Variants in RIPK2 observed in about 807,000 individuals in gnomAD.
RIPK2 encodes receptor-interacting serine/threonine-protein kinase 2.
RIPK2 carries 38 observed loss-of-function variants against 60.9 expected under a neutral mutation model. That is an observed-to-expected ratio of 0.62 (90% CI 0.48 to 0.82). The LOEUF (loss-of-function observed/expected upper bound fraction) is 0.82. RIPK2 is among the 40% of genes least tolerant of loss of function. The probability of loss-of-function intolerance (pLI) is 0.00; values close to 1 mark genes in which losing one functional copy is unlikely to be tolerated. For synonymous variants in RIPK2, 225 were observed against 223.4 expected (o/e 1.01, Z -0.06); for missense variants, 518 against 647.0 (o/e 0.80, Z 2.16).
chr8:89,781,493 A>G (rs1173409748), intron 7 of RIPK2, among the ~76,000 whole-genome samples: 1 of 151,914 alleles, frequency 6.6e-6, no homozygotes, highest in Non-Finnish European at 1.5e-5. Flanking sequence ...CAGCATCTCC[A>G]ATTGCTTGAA....
intron 2 of RIPK2, among the ~76,000 whole-genome samples, chr8:89,765,135 A>G (rs984206032): frequency 2.6e-5 from 4 of 152,052 alleles, no homozygotes; most frequent in African/African-American, 9.7e-5. Context: ...GGTGCCATAA[A>G]GTTATCATAA....
intron 5 of RIPK2, among the ~76,000 whole-genome samples, chr8:89,772,378 T>C (rs544703472): frequency 6.6e-6 from 1 of 152,194 alleles, no homozygotes; most frequent in Admixed American, 6.6e-5. Context: ...GTAGCCCTTC[T>C]TAGTTCTGCA....
chr8:89,787,217 C>T (rs1014453031), intron 9 of RIPK2, among the ~76,000 whole-genome samples: 4 of 151,728 alleles, frequency 2.6e-5, no homozygotes, highest in Non-Finnish European at 5.9e-5. Flanking sequence ...AGAAAATGTC[C>T]GCAAAAAAAT....
At chr8:89,768,146 A>C (rs970905846) in intron 3 of RIPK2, among the ~76,000 whole-genome samples, 1 of 151,636 alleles carries the variant, frequency 6.6e-6, no homozygotes, top group Non-Finnish European at 1.5e-5. Context: ...TAGTGTCAAC[A>C]AAAAACCCTT....
chr8:89,784,904 C>G (rs890990773), intron 8 of RIPK2, among the ~76,000 whole-genome samples: 1 of 152,114 alleles, frequency 6.6e-6, no homozygotes, highest in Admixed American at 6.5e-5. Flanking sequence ...GCGAGCTATG[C>G]AGAGAAATCA....
At chr8:89,788,315 C>T (rs1465623381) in intron 9 of RIPK2, among the ~76,000 whole-genome samples, 1 of 151,072 alleles carries the variant, frequency 6.6e-6, no homozygotes, top group Non-Finnish European at 1.5e-5. Flanking sequence ...TGCACTCCAT[C>T]CTGAGTGACA....
chr8:89,772,864 A>C (rs758953112), intron 6 of RIPK2, 36 bp downstream of exon 6: 7 of 1,417,214 alleles, frequency 4.9e-6, no homozygotes, highest in Admixed American at 2.3e-5. Context: ...TCTTTGAATT[A>C]CAGAATTAGT....
At chr8:89,782,195 C>T (rs1002858218) in intron 7 of RIPK2, among the ~76,000 whole-genome samples, 2 of 152,030 alleles carry the variant, frequency 1.3e-5, no homozygotes, top group Non-Finnish European at 2.9e-5. Context: ...TGTTCTGGTA[C>T]TAACAGGGTG....
rs200990169 is a variant in RIPK2, at chr8:89,757,913, G to T, written c.-148G>T. On this transcript the variant is annotated 5_prime_UTR_variant, in exon 1 of 11. Coordinates refer to ENST00000220751, the MANE Select transcript of RIPK2 (RefSeq NM_003821.6). ...GGCGTGGGCCATCCGGGGAATGGGC[G>T]CCCTCGTGACCTAGTGTTGCGGGGC... The T allele has an allele frequency of 8.4e-4, 1,163 of 1,382,374 alleles. 18 individuals are homozygous for T. The highest frequency in any genetic ancestry group is 1.9e-4 in the Non-Finnish European group (198 of 1,070,204). The allele number at this position is 1,382,374 out of a possible 1,614,324, so 85.6% of individuals were successfully genotyped here. A position where few individuals can be genotyped will look rare whatever the true frequency, so the allele number is the denominator to read the frequency against.
intron 9 of RIPK2, among the ~76,000 whole-genome samples, chr8:89,789,024 G>T (rs958943733): frequency 3.9e-5 from 6 of 152,092 alleles, no homozygotes; most frequent in African/African-American, 1.2e-4. Flanking sequence ...AACTTCAGAA[G>T]GAGTAAGAAG....
At chr8:89,762,747 A>C in intron 1 of RIPK2, 82 bp from the exon 2 acceptor site, 1 of 775,838 alleles carries the variant, frequency 1.3e-6, no homozygotes, top group Non-Finnish European at 1.8e-6. Flanking sequence ...AATTAATGAA[A>C]AAAAATCCAG....
chr8:89,766,014 A>G (rs544106027), intron 3 of RIPK2, among the ~76,000 whole-genome samples: 5 of 151,842 alleles, frequency 3.3e-5, no homozygotes, highest in Admixed American at 3.3e-4. Context: ...CCCTACCACA[A>G]TCTGTACCCC....
chr8:89,763,102 G>T, intron 2 of RIPK2, 120 bp downstream of exon 2: 3 of 607,514 alleles, frequency 4.9e-6, no homozygotes, highest in Non-Finnish European at 7.4e-6. Flanking sequence ...AAAGAATAAT[G>T]AAAAACTATC....
chr8:89,764,914 T>C (rs1386579501), intron 2 of RIPK2, among the ~76,000 whole-genome samples: 1 of 152,092 alleles, frequency 6.6e-6, no homozygotes, highest in Non-Finnish European at 1.5e-5. Context: ...ATGAATGCCT[T>C]GGTATTTACT....
rs1019616753 is a variant in RIPK2 at position 89,772,606 on chromosome 8, T to A, written c.692-61T>A. On this transcript the variant is annotated intron_variant, in intron 5 of 10. Coordinates refer to ENST00000220751, the MANE Select transcript of RIPK2 (RefSeq NM_003821.6). The stretch of plus-strand genomic sequence containing the variant: ...TTATTTTCTTTTAGTTAGTTTTAGA[T>A]GTAAGTAATATGCTTAATCATAATA... 35 of 1,213,458 alleles carry A rather than the reference T, an allele frequency of 2.9e-5. No homozygotes were observed. The African/African-American group carries it at 5.3e-4, about 18-fold the overall frequency. The allele number at this position is 1,213,458 out of a possible 1,614,324, so 75.2% of individuals were successfully genotyped here.
At chr8:89,781,527 T>C (rs1809500768) in intron 7 of RIPK2, among the ~76,000 whole-genome samples, 1 of 152,086 alleles carries the variant, frequency 6.6e-6, no homozygotes, top group Non-Finnish European at 1.5e-5. Context: ...GCTACCACAC[T>C]CAGCTACTTT....
intron 8 of RIPK2, among the ~76,000 whole-genome samples, chr8:89,786,067 T>C (rs548786226): frequency 6.6e-6 from 1 of 152,348 alleles, no homozygotes; most frequent in African/African-American, 2.4e-5. Context: ...TTATTTCTAA[T>C]GTTTCATTAT....
At chr8:89,784,283 T>G (rs1319582678) in intron 8 of RIPK2, 144 bp downstream of exon 8, 2 of 541,990 alleles carry the variant, frequency 3.7e-6, no homozygotes, top group Non-Finnish European at 6.4e-6. Flanking sequence ...GTAGCTCATG[T>G]CAATCTCCAA....
rs547020077 is a variant in RIPK2, at chr8:89,783,971, G to A, written c.940-79G>A. 6 of 737,066 alleles carry A rather than the reference G, an allele frequency of 8.1e-6. No homozygotes were observed. The East Asian group carries it at 1.3e-4, about 16-fold the overall frequency. The allele number at this position is 737,066 out of a possible 1,614,324, so 45.7% of individuals were successfully genotyped here. ...TGTATTTTGTACAAACATATAAAATGTGTTAGATTGTATTTTACTTCTATA... is the reference window on the plus strand; with the variant it reads ...TGTATTTTGTACAAACATATAAAATATGTTAGATTGTATTTTACTTCTATA... On this transcript the variant is annotated intron_variant, in intron 7 of 10. Coordinates refer to ENST00000220751, the MANE Select transcript of RIPK2 (RefSeq NM_003821.6).
Sources: allele counts gnomAD v4.1 joint callset (sites outside exome capture counted in the v4.1 genomes callset), GRCh38; gene constraint gnomAD v4.1.1; transcripts MANE v1.5; gene names NCBI Gene and HGNC (gene_info 2026-07-23, HGNC 2026-07-21).